The following LRP1B variants were observed in gnomAD, a reference collection of about 807,000 sequenced individuals.
LRP1B encodes the protein LDL receptor related protein 1B, also known as low-density lipoprotein receptor-related protein 1B.
In LRP1B, 217 loss-of-function variants were observed where a neutral mutation model predicts 556.6. The ratio of observed to expected loss-of-function variants is 0.39; its 90% CI spans 0.35 to 0.44. The LOEUF (loss-of-function observed/expected upper bound fraction) is 0.44. Among genes scored for constraint, LRP1B ranks in the 20% least tolerant of loss-of-function variants. The pLI is 1.00. For synonymous variants in LRP1B, 2,047 were observed against 1,865.8 expected (o/e 1.10, Z -2.50); for missense variants, 5,053 against 5,620.8 (o/e 0.90, Z 3.23).
Position 140,302,695 on chromosome 2 carries a change from TAAAGGTGAAGG to T in LRP1B, c.12806-4737_12806-4727del, listed in dbSNP as rs757386746. 1.4e-4 allele frequency among the ~76,000 whole-genome samples: 22 copies of T among 151,922 alleles called. 1 individual carries two copies. Among genetic ancestry groups the T allele is most frequent in the Non-Finnish European group, 2.1e-4 (14 of 67,988 alleles). The stretch of plus-strand genomic sequence containing the variant: ...CAATTAATTGAAGGCCCAAATAGAA[TAAAGGTGAAGG>T]AAAGGTGAATTCTCTTTCTTGATCT... On this transcript the variant is annotated intron_variant, in intron 83 of 90. Transcript: ENST00000389484.
At chr2:141,924,408 T>A (rs1025614742) in intron 1 of LRP1B, among the ~76,000 whole-genome samples, 4 of 151,998 alleles carry the variant, frequency 2.6e-5, no homozygotes, top group Non-Finnish European at 2.9e-5. Flanking sequence ...CTCACATTGA[T>A]CCTTCAAGCC....
intron 7 of LRP1B, among the ~76,000 whole-genome samples, chr2:141,113,488 ATCTTT>A (rs890287767): frequency 6.6e-6 from 1 of 152,186 alleles, no homozygotes; most frequent in Non-Finnish European, 1.5e-5. Context: ...CAATTTTAAA[ATCTTT>A]TCTTAAAGTT....
In LRP1B at chr2:141,240,512, AC is replaced by A. The variant is rs539117772; in HGVS notation, c.592+6713del. ...TGTACATTCTTGCCTCATCTATTTA[AC>A]CATTTGTAATTTTTATAAATTTAAA... On this transcript the variant is annotated intron_variant, in intron 5 of 90. Transcript: ENST00000389484. Among the ~76,000 whole-genome samples, 914 of 152,166 alleles carry A rather than the reference AC, an allele frequency of 6.0e-3. 1 individual carries two copies. The highest frequency in any genetic ancestry group is 0.01 in the Non-Finnish European group (694 of 67,986).
chr2:140,435,972 TTCTCTCTC>T (rs879455930), intron 66 of LRP1B, among the ~76,000 whole-genome samples: 27 of 150,428 alleles, frequency 1.8e-4, no homozygotes, highest in African/African-American at 6.3e-4. Context: ...CTCTCTTCCT[TTCTCTCTC>T]TCTCTCTCTC....
intron 84 of LRP1B, among the ~76,000 whole-genome samples, chr2:140,292,886 T>C (rs1683447402): frequency 3.9e-5 from 6 of 152,172 alleles, no homozygotes; most frequent in Admixed American, 3.9e-4. Context: ...GATAGGCTTA[T>C]ATCTATAGTG....
intron 7 of LRP1B, among the ~76,000 whole-genome samples, chr2:141,066,463 C>G (rs767904856): frequency 1.3e-5 from 2 of 151,904 alleles, no homozygotes; most frequent in Non-Finnish European, 2.9e-5. Context: ...AGTTATGGCA[C>G]CAATCATTTC....
intron 58 of LRP1B, among the ~76,000 whole-genome samples, chr2:140,486,719 G>A (rs910433104): frequency 8.6e-5 from 13 of 151,634 alleles, no homozygotes; most frequent in Admixed American, 3.3e-4. Flanking sequence ...AAATCTCATC[G>A]GTTTATTTGT....
chr2:140,234,957 T>C, intron 89 of LRP1B, 73 bp from the exon 90 acceptor site: 1 of 672,844 alleles, frequency 1.5e-6, no homozygotes, highest in South Asian at 1.7e-5. Flanking sequence ...CATATCATGT[T>C]AATTCATAAA....
intron 5 of LRP1B, among the ~76,000 whole-genome samples, chr2:141,240,515 A>G (rs1028640226): frequency 6.6e-6 from 1 of 152,068 alleles, no homozygotes; most frequent in Admixed American, 6.6e-5. Context: ...CTATTTAACC[A>G]TTTGTAATTT....
At chr2:140,382,965 G>T (rs1683589297) in intron 67 of LRP1B, among the ~76,000 whole-genome samples, 1 of 152,168 alleles carries the variant, frequency 6.6e-6, no homozygotes, top group Non-Finnish European at 1.5e-5. Context: ...ACAGTAACAT[G>T]CTGTATAGGT....
At chr2:140,803,146 C>T (rs1690573411) in intron 32 of LRP1B, among the ~76,000 whole-genome samples, 3 of 151,910 alleles carry the variant, frequency 2.0e-5, no homozygotes, top group Non-Finnish European at 4.4e-5. Context: ...TCTGTTTTCC[C>T]CTTTCATCAG....
chr2:140,949,097 T>C (rs948598164), intron 20 of LRP1B, among the ~76,000 whole-genome samples: 2 of 152,216 alleles, frequency 1.3e-5, no homozygotes, highest in Non-Finnish European at 2.9e-5. Flanking sequence ...TCATGGAGTA[T>C]ATGATTCCCC....
intron 1 of LRP1B, among the ~76,000 whole-genome samples, chr2:142,017,601 G>A (rs922758508): frequency 2.0e-5 from 3 of 152,034 alleles, no homozygotes; most frequent in South Asian, 2.1e-4. Context: ...ATTCGGTCAC[G>A]GAGATTCACA....
intron 20 of LRP1B, among the ~76,000 whole-genome samples, chr2:140,940,681 T>C (rs1223122123): frequency 4.6e-5 from 7 of 152,168 alleles, no homozygotes; most frequent in Non-Finnish European, 1.5e-5. Context: ...CTGATGGGCA[T>C]TTGAATTGAT....
intron 1 of LRP1B, among the ~76,000 whole-genome samples, chr2:141,962,196 G>C (rs1225123810): frequency 6.6e-6 from 1 of 151,704 alleles, no homozygotes; most frequent in African/African-American, 2.4e-5. Flanking sequence ...TCACTCTGAA[G>C]TAACAAGGAT....
At chr2:141,964,943 A>T (rs1165317639) in intron 1 of LRP1B, among the ~76,000 whole-genome samples, 1 of 150,364 alleles carries the variant, frequency 6.7e-6, no homozygotes, top group Non-Finnish European at 1.5e-5. Context: ...AGGGACATGA[A>T]CAGACACTTC....
intron 1 of LRP1B, among the ~76,000 whole-genome samples, chr2:141,953,935 C>G (rs754943334): frequency 5.3e-5 from 8 of 151,996 alleles, no homozygotes; most frequent in African/African-American, 1.9e-4. Flanking sequence ...CCTCACTTAC[C>G]CAAATATATG....
chr2:140,826,242 A>G (rs894788699), intron 31 of LRP1B, among the ~76,000 whole-genome samples: 16 of 152,188 alleles, frequency 1.1e-4, no homozygotes, highest in African/African-American at 3.9e-4. Flanking sequence ...ACATTTTGGT[A>G]TAACATTGAC....
intron 1 of LRP1B, among the ~76,000 whole-genome samples, chr2:142,042,074 G>T (rs1240051831): frequency 7.3e-5 from 11 of 151,300 alleles, no homozygotes; most frequent in African/African-American, 2.7e-4. Flanking sequence ...TTTTTCTGTA[G>T]TTTTGTCAAT....
Sources: gnomAD v4.1 joint callset for allele counts (sites outside exome capture counted in the v4.1 genomes callset) on GRCh38, gnomAD v4.1.1 for gene constraint, MANE v1.5 for transcripts, NCBI Gene and HGNC (gene_info 2026-07-23, HGNC 2026-07-21) for gene names.